The following ZNF536 variants were observed in gnomAD, a reference collection of about 807,000 sequenced individuals.
ZNF536 encodes zinc finger protein 536.
A neutral mutation model predicts 84.5 loss-of-function variants in ZNF536; 13 were observed. That is an observed-to-expected ratio of 0.15 (90% confidence interval 0.10 to 0.24). ZNF536 has a LOEUF of 0.24. Among genes scored for constraint, ZNF536 ranks in the 10% least tolerant of loss-of-function variants. The probability of loss-of-function intolerance (pLI) is 1.00; values close to 1 mark genes in which losing one functional copy is unlikely to be tolerated. For synonymous variants in ZNF536, 811 were observed against 742.5 expected, an observed-to-expected ratio of 1.09 and a Z score of -1.50; for missense variants, 1,536 against 1,747.5, an observed-to-expected ratio of 0.88 and a Z score of 2.16.
At chr19:30,690,877 A>C (rs1024134539) in intron 1 of ZNF536, among the ~76,000 whole-genome samples, 1 of 152,126 alleles carries the variant, frequency 6.6e-6, no homozygotes, top group Admixed American at 6.5e-5. Flanking sequence ...CCCTGCAAAC[A>C]ACATGATTTT....
chr19:30,366,842 A>G (rs1295656887), intron 3 of ZNF536, among the ~76,000 whole-genome samples: 2 of 152,224 alleles, frequency 1.3e-5, no homozygotes, highest in Non-Finnish European at 1.5e-5. Flanking sequence ...ACCATTTGTT[A>G]GGGCAAATGC....
intron 1 of ZNF536, among the ~76,000 whole-genome samples, chr19:30,700,138 C>T (rs1167817867): frequency 1.4e-5 from 2 of 140,312 alleles, no homozygotes; most frequent in East Asian, 2.1e-4. Context: ...CTTTCTTTCC[C>T]TTCCTTCCCT....
intron 2 of ZNF536, among the ~76,000 whole-genome samples, chr19:30,521,911 T>C (rs568602633): frequency 2.0e-5 from 3 of 151,994 alleles, no homozygotes; most frequent in South Asian, 4.2e-4. Context: ...AGGAATAAAT[T>C]TACACTCCTC....
In ZNF536 at chr19:30,445,713, C is replaced by T. The variant is rs1195317471; in HGVS notation, c.2151C>T (p.Pro717=). 1.3e-6 allele frequency: 2 copies of T among 1,567,662 alleles called. No individual in the cohort carries two copies. The highest frequency in any genetic ancestry group is 1.2e-5 in the South Asian group (1 of 83,922). ...GTGCCCAGGAGGACAGCCCGCACCC[C>T]TCCTCGCCATCCTCCTCAGGTAGGT... is the stretch of plus-strand genomic sequence containing the variant. ...TGSAQEDSPH[P]SSPSSSDIGE... is the part of the protein sequence containing the mutation. The change falls in exon 2 of 5, where the codon CCC becomes CCT. Residue 717 remains proline (P), a synonymous_variant. Transcript: ENST00000355537. This position sits in a 1 kb window ranked among gnomAD's most constrained non-coding sequence, Gnocchi z 4.5.
rs763737859 is a variant in ZNF536 at position 30,557,210 on chromosome 19, C to T, written c.*46C>T. The T allele has an allele frequency of 7.5e-6, 12 of 1,609,908 alleles. No homozygotes were observed. Among genetic ancestry groups the T allele is most frequent in the Admixed American group, 3.3e-5 (2 of 59,756 alleles). ...CTATCTGGACTTGCCCTTGTCTGTT[C>T]GTGGTCCTCGGTGGTTATCTGCAGC... On this transcript the variant is annotated 3_prime_UTR_variant, in exon 5 of 5. Transcript: ENST00000355537.
At chr19:30,686,403 G>A (rs568039956) in intron 1 of ZNF536, among the ~76,000 whole-genome samples, 2 of 152,312 alleles carry the variant, frequency 1.3e-5, no homozygotes, top group African/African-American at 2.4e-5. Context: ...GGGCATCCCC[G>A]TTGTGTGTCC....
At chr19:30,305,082 G>A (rs143498868) in intron 2 of ZNF536, among the ~76,000 whole-genome samples, 9 of 152,308 alleles carry the variant, frequency 5.9e-5, no homozygotes, top group African/African-American at 2.2e-4. Context: ...GAAGGCAGGA[G>A]GCTGAGGGTT....
At chr19:30,523,053 C>A (rs1831165630) in intron 2 of ZNF536, among the ~76,000 whole-genome samples, 2 of 152,056 alleles carry the variant, frequency 1.3e-5, no homozygotes, top group African/African-American at 4.8e-5. Flanking sequence ...GGAGGAGCTG[C>A]CCCAACTGGA....
At chr19:30,532,289 C>CCTGG (rs1167257001) in intron 2 of ZNF536, among the ~76,000 whole-genome samples, 4 of 152,088 alleles carry the variant, frequency 2.6e-5, no homozygotes, top group African/African-American at 9.7e-5. Context: ...ATCACTACCA[C>CCTGG]CTGGCTAGTT....
chr19:30,622,515 C>T (rs1190125393), intron 1 of ZNF536, among the ~76,000 whole-genome samples: 3 of 152,244 alleles, frequency 2.0e-5, no homozygotes, highest in South Asian at 2.1e-4. Context: ...GATTTGGTGC[C>T]TTGCTGGAGT....
Position 30,445,553 on chromosome 19 carries a change from T to G in ZNF536, c.1991T>G (p.Leu664Arg). ...KRDRKGEEDG[L>R]HVGLDERRGS... ...GACCGCAAGGGCGAGGAGGATGGGC[T>G]GCACGTGGGCCTGGATGAGCGGCGT... The change falls in exon 2 of 5, where the codon CTG (leucine) becomes CGG (arginine). Residue 664 changes from leucine to arginine, a missense_variant. Physicochemically the swap from Leu to Arg is moderately radical, Grantham distance 102. This residue lies in a region of ZNF536 where 366 missense variants were observed against 364.4 expected (regional missense o/e 1.00). Coordinates refer to ENST00000355537, the MANE Select transcript of ZNF536 (RefSeq NM_014717.3). The surrounding 1 kb of genome is among the most constrained non-coding windows in gnomAD (Gnocchi z 4.5). 1 of 1,613,634 alleles carries G rather than the reference T, an allele frequency of 6.2e-7. No homozygotes were observed. Among genetic ancestry groups the G allele is most frequent in the Non-Finnish European group, 8.5e-7 (1 of 1,179,820 alleles).
intron 2 of ZNF536, among the ~76,000 whole-genome samples, chr19:30,473,593 C>T (rs960654797): frequency 1.3e-5 from 2 of 152,200 alleles, no homozygotes; most frequent in African/African-American, 4.8e-5. Flanking sequence ...GACAGGCTGG[C>T]ACCCATCCTC....
Position 30,634,276 on chromosome 19 carries a change from A to T in ZNF536, c.170-76481A>T, listed in dbSNP as rs1034735032. Among the ~76,000 whole-genome samples the T allele has an allele frequency of 3.9e-5, 6 of 152,208 alleles. No individual in the cohort carries two copies. In the South Asian group the frequency reaches 1.0e-3, roughly 26 times the overall value. On this transcript the variant is annotated intron_variant, in intron 1 of 1. Coordinates refer to the ZNF536 transcript ENST00000592773. ...TGACAGTAATTTAATTTTCATTGAC[A>T]AATGCTGTCATAATATTGAGAACAA...
intron 1 of ZNF536, among the ~76,000 whole-genome samples, chr19:30,672,116 C>G (rs1320754558): frequency 1.3e-5 from 2 of 152,232 alleles, no homozygotes; most frequent in Non-Finnish European, 2.9e-5. Flanking sequence ...TTATTCAAAA[C>G]AAGATAGATT....
At chr19:30,315,345 G>C (rs2046643835) in intron 2 of ZNF536, among the ~76,000 whole-genome samples, 2 of 152,198 alleles carry the variant, frequency 1.3e-5, no homozygotes, top group African/African-American at 4.8e-5. Context: ...AGGCTTCCTG[G>C]AGGAGGCAGT....
chr19:30,329,713 G>A (rs894391319), intron 2 of ZNF536, among the ~76,000 whole-genome samples: 9 of 152,148 alleles, frequency 5.9e-5, no homozygotes, highest in South Asian at 2.1e-4. Context: ...CTATTTGGTG[G>A]TGCTATGTGT....
At position 30,419,915 on chromosome 19, in the gene ZNF536, A is replaced by G. The variant is rs1568410877; in HGVS notation, c.-2-23646A>G. 3.3e-5 allele frequency among the ~76,000 whole-genome samples: 5 copies of G among 152,320 alleles called. No individual in the cohort carries two copies. The South Asian group carries it at 1.0e-3, about 32-fold the overall frequency. Reference sequence around the variant, plus strand: ...CAGTGAAGAGGAAAGGCAGCAAAGCAGGAGGGGACAGAGTTCCCATCCGGG... The same window carrying G: ...CAGTGAAGAGGAAAGGCAGCAAAGCGGGAGGGGACAGAGTTCCCATCCGGG... On this transcript the variant is annotated intron_variant, in intron 1 of 4. Coordinates refer to ENST00000355537, the MANE Select transcript of ZNF536 (RefSeq NM_014717.3).
intron 1 of ZNF536, among the ~76,000 whole-genome samples, chr19:30,673,346 T>A (rs1333937219): frequency 6.6e-6 from 1 of 152,112 alleles, no homozygotes; most frequent in Non-Finnish European, 1.5e-5. Context: ...TAGATTCCAA[T>A]ATGAATTTTT....
In ZNF536 at chr19:30,228,739, G is replaced by C. The variant is rs1599801737; in HGVS notation, c.-190+66G>C. ...CGCGCAAAGCCGGGAGCGAGGTGCC[G>C]CGAGCTGCGCGCCGCCCCGGGCCGG... On this transcript the variant is annotated intron_variant, in intron 1 of 5. Coordinates refer to the ZNF536 transcript ENST00000585628. This position sits in a 1 kb window ranked among gnomAD's most constrained non-coding sequence, Gnocchi z 4.5. The C allele has an allele frequency of 6.6e-6, 1 of 151,174 alleles. No individual in the cohort carries two copies. The highest frequency in any genetic ancestry group is 1.5e-5 in the Non-Finnish European group (1 of 67,798). The allele number at this position is 151,174 out of a possible 1,614,324, so 9.4% of individuals were successfully genotyped here. A position where few individuals can be genotyped will look rare whatever the true frequency, so the allele number is the denominator to read the frequency against.
Sources: allele counts gnomAD v4.1 joint callset (sites outside exome capture counted in the v4.1 genomes callset), GRCh38; gene constraint gnomAD v4.1.1; regional missense constraint gnomAD v4.1.1; non-coding constraint Gnocchi (gnomAD v3.1); transcripts MANE v1.5; gene names NCBI Gene and HGNC (gene_info 2026-07-23, HGNC 2026-07-21).